Variants in EPB41L3 observed in about 807,000 individuals in gnomAD.
The protein encoded by EPB41L3 is band 4.1-like protein 3.
Under a neutral mutation model 127.1 loss-of-function variants are expected in EPB41L3, and 57 were observed. The ratio of observed to expected loss-of-function variants is 0.45; its 90% confidence interval spans 0.36 to 0.56. EPB41L3 has a LOEUF of 0.56. Among genes scored for constraint, EPB41L3 ranks in the 20% least tolerant of loss-of-function variants. The probability of loss-of-function intolerance (pLI) is 0.00; values close to 1 mark genes in which losing one functional copy is unlikely to be tolerated. For synonymous variants in EPB41L3, 572 were observed against 549.5 expected, an observed-to-expected ratio of 1.04 and a Z score of -0.57; for missense variants, 1,273 against 1,372.2, an observed-to-expected ratio of 0.93 and a Z score of 1.14.
rs541798772 is a variant in EPB41L3 at position 5,561,067 on chromosome 18, T to C, written c.-306+51273A>G. On this transcript the variant is annotated intron_variant, in intron 3 of 21. Transcript: ENST00000545076. ...ATCGCGGCTCACTGCAAGCTCCGCC[T>C]CCCAGGTTCACGCCATTCTCCTGCC... is the stretch of plus-strand genomic sequence containing the variant. 7.4e-4 allele frequency among the ~76,000 whole-genome samples: 109 copies of C among 147,436 alleles called. 3 individuals are homozygous for C. The highest frequency in any genetic ancestry group is 1.3e-3 in the Non-Finnish European group (85 of 66,492).
intron 1 of EPB41L3, among the ~76,000 whole-genome samples, chr18:5,517,522 T>C (rs1203629548): frequency 3.3e-5 from 5 of 152,114 alleles, no homozygotes; most frequent in African/African-American, 9.7e-5. Flanking sequence ...CGGCAACCTC[T>C]GCCTTCCAGG....
intron 1 of EPB41L3, among the ~76,000 whole-genome samples, chr18:5,506,241 A>C (rs1391287069): frequency 2.0e-5 from 3 of 152,098 alleles, no homozygotes; most frequent in South Asian, 4.1e-4. Context: ...AAATAAAAAC[A>C]TGTCACGTCT....
chr18:5,406,965 G>A lies in EPB41L3; in HGVS notation c.2161C>T (p.Leu721=), dbSNP rs775609093. The A allele has an allele frequency of 6.2e-7, 1 of 1,613,756 alleles. No homozygotes were observed. Among genetic ancestry groups the A allele is most frequent in the South Asian group, 1.1e-5 (1 of 91,064 alleles). Reference sequence around the variant, plus strand: ...ATCAGGTCATCTTGAGTTTTTTCTAGCTCCTATATTCAGAACATAAAGTAT... The same window carrying A: ...ATCAGGTCATCTTGAGTTTTTTCTAACTCCTATATTCAGAACATAAAGTAT... The part of the protein sequence containing the change: ...EEDAELKAQE[L]EKTQDDLMKH... The change falls in exon 16 of 23, where the codon CTA becomes TTA. Residue 721 remains leucine, a synonymous_variant. Transcript: ENST00000341928.
intron 8 of EPB41L3, among the ~76,000 whole-genome samples, chr18:5,429,672 T>C (rs761460913): frequency 7.9e-5 from 12 of 152,140 alleles, no homozygotes; most frequent in South Asian, 2.1e-4. Context: ...AAATGAAATA[T>C]TTTACTTTGG....
intron 5 of EPB41L3, among the ~76,000 whole-genome samples, chr18:5,441,269 T>C (rs2080682716): frequency 6.6e-6 from 1 of 152,190 alleles, no homozygotes; most frequent in Non-Finnish European, 1.5e-5. Flanking sequence ...AAAGGAATAC[T>C]GTGAGCCCAC....
At chr18:5,561,102 C>G (rs1029159849) in intron 3 of EPB41L3, among the ~76,000 whole-genome samples, 2 of 148,604 alleles carry the variant, frequency 1.3e-5, no homozygotes, top group Non-Finnish European at 3.0e-5. Context: ...CTCAGCCTCC[C>G]GAGTAGCTGG....
At chr18:5,460,619 A>C (rs1038741837) in intron 3 of EPB41L3, among the ~76,000 whole-genome samples, 1 of 152,252 alleles carries the variant, frequency 6.6e-6, no homozygotes, top group Admixed American at 6.5e-5. Context: ...GAGGAAGAAC[A>C]ATCAGTGAGA....
intron 3 of EPB41L3, among the ~76,000 whole-genome samples, chr18:5,550,601 CAGTG>C (rs1352510273): frequency 6.6e-6 from 1 of 152,146 alleles, no homozygotes; most frequent in Non-Finnish European, 1.5e-5. Context: ...GTTTTATAAA[CAGTG>C]AGTTTCCAGT....
intron 15 of EPB41L3, 36 bp downstream of exon 15, chr18:5,407,665 T>C: frequency 1.2e-6 from 2 of 1,607,174 alleles, no homozygotes; most frequent in Non-Finnish European, 1.7e-6. Flanking sequence ...TGTTGTTTTG[T>C]TGTTGTTGTT....
At chr18:5,446,819 A>G (rs1428232235) in intron 3 of EPB41L3, among the ~76,000 whole-genome samples, 2 of 152,266 alleles carry the variant, frequency 1.3e-5, no homozygotes, top group East Asian at 3.8e-4. Flanking sequence ...AAAACTACAT[A>G]ATAACATTGC....
intron 1 of EPB41L3, among the ~76,000 whole-genome samples, chr18:5,521,574 T>C (rs2092991794): frequency 6.6e-6 from 1 of 152,224 alleles, no homozygotes; most frequent in African/African-American, 2.4e-5. Context: ...ATTGACAAAA[T>C]GGCTTTGGAA....
At chr18:5,588,530 T>C (rs1055526363) in intron 3 of EPB41L3, among the ~76,000 whole-genome samples, 16 of 125,064 alleles carry the variant, frequency 1.3e-4, no homozygotes, top group Non-Finnish European at 5.7e-5. Flanking sequence ...TGTATGTAAA[T>C]ATGTGTATAT....
At chr18:5,535,249 G>A (rs1191973658) in intron 1 of EPB41L3, among the ~76,000 whole-genome samples, 1 of 151,952 alleles carries the variant, frequency 6.6e-6, no homozygotes, top group Non-Finnish European at 1.5e-5. Context: ...CCAAGGACAG[G>A]GCCACACAGC....
chr18:5,420,168 C>CA, intron 11 of EPB41L3: 1 of 494,878 alleles, frequency 2.0e-6, no homozygotes, highest in South Asian at 2.1e-5. Context: ...CATCTATCCT[C>CA]AGACTCTCTG....
chr18:5,591,826 T>C (rs1385786861), intron 3 of EPB41L3, among the ~76,000 whole-genome samples: 1 of 152,192 alleles, frequency 6.6e-6, no homozygotes, highest in African/African-American at 2.4e-5. Flanking sequence ...ATCTACCATT[T>C]TCAGGAAAGA....
intron 1 of EPB41L3, among the ~76,000 whole-genome samples, chr18:5,539,151 T>A (rs975929727): frequency 2.0e-5 from 3 of 152,022 alleles, no homozygotes; most frequent in Non-Finnish European, 4.4e-5. Context: ...CCTATCCTCA[T>A]CAAGCACCCA....
intron 3 of EPB41L3, among the ~76,000 whole-genome samples, chr18:5,563,802 G>A (rs888639054): frequency 3.9e-5 from 6 of 152,186 alleles, no homozygotes; most frequent in Admixed American, 2.0e-4. Context: ...AAATTCTGTT[G>A]TGTACAGCTT....
intron 3 of EPB41L3, among the ~76,000 whole-genome samples, chr18:5,452,311 G>A (rs7243789): frequency 0.22 from 32,966 of 151,560 alleles, 4,480 homozygotes; most frequent in East Asian, 0.47. Context: ...TTCGGATTTC[G>A]TCTAGGCCAA....
intron 1 of EPB41L3, chr18:5,540,273 C>G: frequency 3.5e-6 from 3 of 864,998 alleles, no homozygotes; most frequent in Non-Finnish European, 4.2e-6. Flanking sequence ...TCCTTCCTTA[C>G]TCTTGGAGAC....
Sources: gnomAD v4.1 joint callset for allele counts (sites outside exome capture counted in the v4.1 genomes callset) on GRCh38, gnomAD v4.1.1 for gene constraint, MANE v1.5 for transcripts, NCBI Gene and HGNC (gene_info 2026-07-23, HGNC 2026-07-21) for gene names.